The following SLCO5A1 variants were observed in gnomAD, a reference collection of about 807,000 sequenced individuals.
SLCO5A1 encodes the protein organic anion transporter polypeptide-related protein 4.
A neutral mutation model predicts 65.1 loss-of-function variants in SLCO5A1; 39 were observed. The observed-to-expected ratio is 0.60, with a 90% confidence interval of 0.46 to 0.78. The LOEUF is 0.78. SLCO5A1 is among the 30% of genes least tolerant of loss of function. The pLI is 0.00. For synonymous variants in SLCO5A1, 438 were observed against 415.7 expected, an observed-to-expected ratio of 1.05 and a Z score of -0.65; for missense variants, 1,029 against 1,069.4, an observed-to-expected ratio of 0.96 and a Z score of 0.53.
intron 5 of SLCO5A1, among the ~76,000 whole-genome samples, chr8:69,714,375 G>T (rs1455900495): frequency 6.6e-6 from 1 of 152,252 alleles, no homozygotes; most frequent in Admixed American, 6.5e-5. Context: ...TTGAGCATTT[G>T]TTGCAGTCAA....
intron 5 of SLCO5A1, among the ~76,000 whole-genome samples, chr8:69,722,626 A>G (rs1378065517): frequency 6.6e-6 from 1 of 152,104 alleles, no homozygotes; most frequent in Non-Finnish European, 1.5e-5. Context: ...GACATGAGAA[A>G]TCTGTTGCCT....
chr8:69,829,916 A>C (rs1821087326), intron 2 of SLCO5A1, among the ~76,000 whole-genome samples: 1 of 152,222 alleles, frequency 6.6e-6, no homozygotes, highest in Non-Finnish European at 1.5e-5. Flanking sequence ...ACTCACACAC[A>C]GGTTGATAAA....
chr8:69,740,948 G>A (rs1056374168), intron 4 of SLCO5A1, among the ~76,000 whole-genome samples: 1 of 151,980 alleles, frequency 6.6e-6, no homozygotes, highest in Admixed American at 6.6e-5. Flanking sequence ...AAATTTATTT[G>A]TAACCCCAAA....
chr8:69,705,810 T>G (rs1376603719), intron 5 of SLCO5A1, among the ~76,000 whole-genome samples: 1 of 152,236 alleles, frequency 6.6e-6, no homozygotes, highest in African/African-American at 2.4e-5. Flanking sequence ...ACGTTAAAGA[T>G]GTAACGTACT....
At chr8:69,756,184 G>A (rs1280178515) in intron 3 of SLCO5A1, among the ~76,000 whole-genome samples, 4 of 152,154 alleles carry the variant, frequency 2.6e-5, no homozygotes, top group Non-Finnish European at 4.4e-5. Context: ...AGCACGTTGG[G>A]AGGCTGAAAC....
rs114443516 is a variant in SLCO5A1, at chr8:69,786,756, C to T, written c.908-24881G>A. 2.9e-3 allele frequency among the ~76,000 whole-genome samples: 437 copies of T among 152,184 alleles called. 3 individuals are homozygous for T. Among genetic ancestry groups the T allele is most frequent in the African/African-American group, 7.9e-3 (330 of 41,512 alleles). On this transcript the variant is annotated intron_variant, in intron 2 of 9. Coordinates refer to ENST00000260126, the MANE Select transcript of SLCO5A1 (RefSeq NM_030958.3). ...TAGAATCCCTCAAAAAATTATCTTG[C>T]GTAGAACTGTCTAGGTAATTGAGGA...
At chr8:69,735,023 C>T (rs1816496199) in intron 5 of SLCO5A1, among the ~76,000 whole-genome samples, 1 of 152,176 alleles carries the variant, frequency 6.6e-6, no homozygotes, top group Admixed American at 6.5e-5. Flanking sequence ...CATGAACAGA[C>T]ACTTCTCAAA....
At chr8:69,707,026 T>C (rs2130812060) in intron 5 of SLCO5A1, among the ~76,000 whole-genome samples, 1 of 152,188 alleles carries the variant, frequency 6.6e-6, no homozygotes, top group African/African-American at 2.4e-5. Flanking sequence ...CGTGCGCCTG[T>C]AATCCCAGCT....
At chr8:69,793,555 A>G (rs62533300) in intron 2 of SLCO5A1, among the ~76,000 whole-genome samples, 45,602 of 151,892 alleles carry the variant, frequency 0.3, 8,276 homozygotes, top group East Asian at 0.43. Context: ...GCCTTGGCCT[A>G]TCCTCTTGAG....
In SLCO5A1 at chr8:69,816,445, G is replaced by C. The variant is rs189870130; in HGVS notation, c.907+15322C>G. On this transcript the variant is annotated intron_variant, in intron 2 of 9. Transcript: ENST00000260126. ...AAAATTGCCAATGGTAGTTGAAGAG[G>C]GGGATCGGGCAGCTGTGGGACCCCC... Among the ~76,000 whole-genome samples, 270 of 152,288 alleles carry C rather than the reference G, an allele frequency of 1.8e-3. 1 individual carries two copies. Among genetic ancestry groups the C allele is most frequent in the African/African-American group, 6.1e-3 (254 of 41,576 alleles).
intron 4 of SLCO5A1, among the ~76,000 whole-genome samples, chr8:69,751,408 T>A (rs911194293): frequency 2.6e-5 from 4 of 152,198 alleles, no homozygotes; most frequent in African/African-American, 9.6e-5. Context: ...GCATAATTTA[T>A]AATAAGAGTA....
In SLCO5A1 at chr8:69,755,626, G is replaced by A. The variant is rs756987021; in HGVS notation, c.1056C>T (p.Leu352=). 15 of 1,612,486 alleles carry A rather than the reference G, an allele frequency of 9.3e-6. No individual in the cohort carries two copies. Among genetic ancestry groups the A allele is most frequent in the Middle Eastern group, 1.6e-4 (1 of 6,064 alleles). Residue 352 remains leucine, a synonymous_variant, in exon 4 of 10, where the codon CTC becomes CTT. Transcript: ENST00000260126. ...RFIGNWWSGF[L]LCAIAMFLVI... ...CAAGAAACATTGCAATGGCACAAAGGAGGAATCCACTCCACCTAAAAAATT... is the reference window on the plus strand; with the variant it reads ...CAAGAAACATTGCAATGGCACAAAGAAGGAATCCACTCCACCTAAAAAATT...
At chr8:69,773,672 T>C (rs912787664) in intron 2 of SLCO5A1, among the ~76,000 whole-genome samples, 2 of 152,248 alleles carry the variant, frequency 1.3e-5, no homozygotes, top group East Asian at 1.9e-4. Context: ...TGAATTTCTA[T>C]AGTAAAAGCA....
At chr8:69,712,478 C>T (rs1307054248) in intron 5 of SLCO5A1, among the ~76,000 whole-genome samples, 3 of 152,098 alleles carry the variant, frequency 2.0e-5, no homozygotes, top group Non-Finnish European at 4.4e-5. Flanking sequence ...AGAAAATATA[C>T]GGGAGCTTAA....
At chr8:69,805,459 T>C (rs188927602) in intron 2 of SLCO5A1, among the ~76,000 whole-genome samples, 10 of 152,216 alleles carry the variant, frequency 6.6e-5, no homozygotes, top group Non-Finnish European at 1.5e-4. Context: ...AAGAAACCAC[T>C]CAATTTGAAA....
At chr8:69,813,629 C>T (rs767960369) in intron 2 of SLCO5A1, among the ~76,000 whole-genome samples, 2 of 152,150 alleles carry the variant, frequency 1.3e-5, no homozygotes, top group Non-Finnish European at 2.9e-5. Flanking sequence ...TCTCTCAAGC[C>T]GCCGGGAGGT....
chr8:69,765,316 T>C (rs1818010654), intron 2 of SLCO5A1, among the ~76,000 whole-genome samples: 5 of 151,996 alleles, frequency 3.3e-5, no homozygotes, highest in Admixed American at 3.3e-4. Context: ...TATGTATACA[T>C]GTACATATAT....
chr8:69,767,827 T>C (rs1818126594), intron 2 of SLCO5A1, among the ~76,000 whole-genome samples: 1 of 126,494 alleles, frequency 7.9e-6, no homozygotes, highest in Admixed American at 8.0e-5. Flanking sequence ...GAGGCAGAGG[T>C]TGCAGTGAGC....
At chr8:69,777,376 C>A (rs1818603486) in intron 2 of SLCO5A1, among the ~76,000 whole-genome samples, 1 of 151,950 alleles carries the variant, frequency 6.6e-6, no homozygotes, top group African/African-American at 2.4e-5. Context: ...GAAACCAGAG[C>A]AATGTTACCC....
Sources: gnomAD v4.1 joint callset for allele counts (sites outside exome capture counted in the v4.1 genomes callset) on GRCh38, gnomAD v4.1.1 for gene constraint, MANE v1.5 for transcripts, NCBI Gene and HGNC (gene_info 2026-07-23, HGNC 2026-07-21) for gene names.